Variants in ZNF385D observed in about 807,000 individuals in gnomAD.
The protein encoded by ZNF385D is zinc finger protein 385D, also known as zinc finger protein 659.
Under a neutral mutation model 35.8 loss-of-function variants are expected in ZNF385D, and 15 were observed. The observed-to-expected ratio is 0.42, with a 90% CI of 0.28 to 0.64. The LOEUF (loss-of-function observed/expected upper bound fraction) is 0.64, where lower values mean the gene tolerates loss of function less well. Among genes scored for constraint, ZNF385D ranks in the 30% least tolerant of loss-of-function variants. The pLI is 0.23. For synonymous variants in ZNF385D, 212 were observed against 186.8 expected (o/e 1.13, Z -1.10); for missense variants, 474 against 494.6 (o/e 0.96, Z 0.39).
intron 3 of ZNF385D, among the ~76,000 whole-genome samples, chr3:22,158,662 T>C (rs1254816798): frequency 6.6e-6 from 1 of 150,902 alleles, no homozygotes; most frequent in Admixed American, 6.6e-5. Flanking sequence ...TGTAATACCA[T>C]CTTACACACA....
At chr3:22,222,313 C>T (rs965307259) in intron 2 of ZNF385D, among the ~76,000 whole-genome samples, 1 of 151,818 alleles carries the variant, frequency 6.6e-6, no homozygotes, top group African/African-American at 2.4e-5. Context: ...GTCTTCACCA[C>T]CCAGCCCCAA....
chr3:21,945,957 G>C (rs901167265), intron 3 of ZNF385D, among the ~76,000 whole-genome samples: 16 of 152,072 alleles, frequency 1.1e-4, no homozygotes, highest in Non-Finnish European at 1.0e-4. Flanking sequence ...TAAGAAATCA[G>C]TTCACAGTAA....
At chr3:22,074,579 T>G (rs1251381954) in intron 3 of ZNF385D, among the ~76,000 whole-genome samples, 1 of 151,992 alleles carries the variant, frequency 6.6e-6, no homozygotes, top group African/African-American at 2.4e-5. Context: ...AACCTCATAT[T>G]GATACTGCCT....
chr3:22,169,785 C>A (rs915222598), intron 2 of ZNF385D, among the ~76,000 whole-genome samples: 6 of 152,092 alleles, frequency 3.9e-5, no homozygotes, highest in African/African-American at 7.2e-5. Flanking sequence ...GTATCTCTGG[C>A]CTTAATATGA....
At chr3:22,041,852 G>T (rs1698684199) in intron 3 of ZNF385D, among the ~76,000 whole-genome samples, 1 of 152,088 alleles carries the variant, frequency 6.6e-6, no homozygotes, top group African/African-American at 2.4e-5. Context: ...TTCAGGTAGG[G>T]AAATGGACAG....
chr3:21,982,231 G>C (rs1694506309), intron 3 of ZNF385D, among the ~76,000 whole-genome samples: 1 of 151,860 alleles, frequency 6.6e-6, no homozygotes, highest in Admixed American at 6.6e-5. Flanking sequence ...CCATTTGTTT[G>C]TGTCTTGTCT....
At chr3:22,167,470 C>A (rs1439194611) in intron 3 of ZNF385D, among the ~76,000 whole-genome samples, 1 of 152,220 alleles carries the variant, frequency 6.6e-6, no homozygotes, top group East Asian at 1.9e-4. Context: ...TTATTCTCTA[C>A]CCTTCTCACT....
chr3:21,762,398 C>G (rs1012723056), intron 3 of ZNF385D, among the ~76,000 whole-genome samples: 2 of 152,124 alleles, frequency 1.3e-5, no homozygotes, highest in African/African-American at 2.4e-5. Flanking sequence ...TCTCAACCGT[C>G]TGAAATGCTG....
chr3:21,836,482 A>G (rs1333016090), intron 3 of ZNF385D, among the ~76,000 whole-genome samples: 1 of 152,114 alleles, frequency 6.6e-6, no homozygotes, highest in Non-Finnish European at 1.5e-5. Flanking sequence ...AAACACTGCC[A>G]TGGGATATAA....
intron 4 of ZNF385D, among the ~76,000 whole-genome samples, chr3:21,440,335 C>A (rs988526794): frequency 1.3e-5 from 2 of 152,092 alleles, no homozygotes; most frequent in African/African-American, 4.8e-5. Context: ...GGGCTTCCTT[C>A]TCGTAACCCC....
chr3:21,783,364 A>G (rs2071564804), intron 3 of ZNF385D, among the ~76,000 whole-genome samples: 1 of 152,178 alleles, frequency 6.6e-6, no homozygotes. Context: ...ACAGAGGGAA[A>G]AAGGAGAGCC....
chr3:22,129,701 ACT>A (rs1169185828), intron 3 of ZNF385D, among the ~76,000 whole-genome samples: 2 of 151,756 alleles, frequency 1.3e-5, no homozygotes, highest in Admixed American at 1.3e-4. Flanking sequence ...TTCTTCCAGG[ACT>A]CAGTCTGTTT....
rs1008502196 is a variant in ZNF385D at position 21,981,999 on chromosome 3, T to C, written c.325+186818A>G. Among the ~76,000 whole-genome samples the C allele has an allele frequency of 3.2e-4, 48 of 152,226 alleles. 1 individual carries two copies. Among genetic ancestry groups the C allele is most frequent in the Admixed American group, 1.4e-3 (21 of 15,282 alleles). ...TATAGTTTGAAGTCAGGTAACATGATGCCTCCAGCTTTGTTCTTTGTGCTT... is the reference window on the plus strand; with the variant it reads ...TATAGTTTGAAGTCAGGTAACATGACGCCTCCAGCTTTGTTCTTTGTGCTT... On this transcript the variant is annotated intron_variant, in intron 3 of 5. Coordinates refer to the ZNF385D transcript ENST00000494108.
chr3:22,170,119 TTC>T, intron 2 of ZNF385D, among the ~76,000 whole-genome samples: 1 of 152,340 alleles, frequency 6.6e-6, no homozygotes, highest in East Asian at 1.9e-4. Flanking sequence ...TCCATTCCAA[TTC>T]TCCCAGTTCT....
At chr3:21,470,200 C>T (rs1348535582) in intron 4 of ZNF385D, among the ~76,000 whole-genome samples, 2 of 152,166 alleles carry the variant, frequency 1.3e-5, no homozygotes, top group Admixed American at 6.5e-5. Flanking sequence ...CAGACCAATT[C>T]TTCAATAAAT....
At chr3:21,764,202 C>A (rs1325962328) in intron 3 of ZNF385D, among the ~76,000 whole-genome samples, 2 of 152,078 alleles carry the variant, frequency 1.3e-5, no homozygotes, top group African/African-American at 2.4e-5. Context: ...ACAGCTTATG[C>A]AAAGACCCAG....
At chr3:22,182,820 TA>T (rs984307244) in intron 2 of ZNF385D, among the ~76,000 whole-genome samples, 2 of 152,198 alleles carry the variant, frequency 1.3e-5, no homozygotes, top group Non-Finnish European at 1.5e-5. Context: ...AAATTTAAGA[TA>T]AAAAATAATT....
At chr3:22,296,877 T>C (rs1702613342) in intron 2 of ZNF385D, among the ~76,000 whole-genome samples, 1 of 152,110 alleles carries the variant, frequency 6.6e-6, no homozygotes, top group Non-Finnish European at 1.5e-5. Context: ...CATGGTGCCA[T>C]GGCTAATGGG....
At chr3:21,885,957 A>T (rs1031389661) in intron 3 of ZNF385D, among the ~76,000 whole-genome samples, 8 of 152,120 alleles carry the variant, frequency 5.3e-5, no homozygotes, top group African/African-American at 1.9e-4. Context: ...CCCATATGTG[A>T]AGAATGATCT....
Sources: allele counts gnomAD v4.1 joint callset (sites outside exome capture counted in the v4.1 genomes callset), GRCh38; gene constraint gnomAD v4.1.1; transcripts MANE v1.5; gene names NCBI Gene and HGNC (gene_info 2026-07-23, HGNC 2026-07-21).